ADAM19: variants seen among roughly 807,000 people sequenced by gnomAD.
The protein encoded by ADAM19 is disintegrin and metalloproteinase domain-containing protein 19.
In ADAM19, 65 loss-of-function variants were observed where a neutral mutation model predicts 114.7. The ratio of observed to expected loss-of-function variants is 0.57; its 90% CI spans 0.46 to 0.70. The LOEUF is 0.70. ADAM19 is among the 30% of genes least tolerant of loss of function. The pLI, the probability that ADAM19 is intolerant of heterozygous loss-of-function variation, is 0.00. For missense variants in ADAM19, 1,063 were observed against 1,204.7 expected (o/e 0.88, Z 1.74); for synonymous variants, 466 against 460.5 (o/e 1.01, Z -0.15).
chr5:157,564,471 T>C, intron 2 of ADAM19, 28 bp from the exon 3 acceptor site: 1 of 1,611,446 alleles, frequency 6.2e-7, no homozygotes. Context: ...ACAATGTCAG[T>C]TCCTAAAAGC....
chr5:157,505,964 G>A (rs780504170), intron 10 of ADAM19, among the ~76,000 whole-genome samples, 156 bp from the exon 11 acceptor site: 6 of 152,220 alleles, frequency 3.9e-5, no homozygotes, highest in Non-Finnish European at 8.8e-5. Context: ...CAGCAAGGCT[G>A]AATCTGCTGT....
At chr5:157,508,821 C>T (rs116576592) in intron 9 of ADAM19, among the ~76,000 whole-genome samples, 221 of 152,272 alleles carry the variant, frequency 1.5e-3, no homozygotes, top group African/African-American at 5.1e-3. Flanking sequence ...TCAGTTCCTG[C>T]ACTGTCTAAC....
intron 12 of ADAM19, among the ~76,000 whole-genome samples, chr5:157,501,582 A>T (rs900567768): frequency 6.6e-6 from 1 of 151,722 alleles, no homozygotes; most frequent in African/African-American, 2.4e-5. Context: ...GGCCATGCCC[A>T]CTCTCAGGCC....
intron 5 of ADAM19, among the ~76,000 whole-genome samples, chr5:157,525,978 T>A (rs933177330): frequency 2.6e-5 from 4 of 152,146 alleles, no homozygotes; most frequent in Non-Finnish European, 4.4e-5. Flanking sequence ...ATTTATTGCA[T>A]ACCTCTGAAA....
At chr5:157,514,210 C>T (rs921950191) in intron 7 of ADAM19, among the ~76,000 whole-genome samples, 2 of 152,102 alleles carry the variant, frequency 1.3e-5, no homozygotes, top group African/African-American at 4.8e-5. Context: ...ACGAGGAGGA[C>T]CATAAGACAC....
chr5:157,568,256 G>T (rs1312316851), intron 2 of ADAM19: 2 of 152,240 alleles, frequency 1.3e-5, no homozygotes, highest in Non-Finnish European at 1.5e-5. Context: ...TACAGGGCGT[G>T]AGCCACCATG....
In ADAM19 at chr5:157,477,464, A is replaced by C; in HGVS notation, c.*3485T>G. ...TCTGTTTTCCGTGAACAATCTCCCA[A>C]ATAAAAAGAAAATTCACATTGCCCT... is the stretch of plus-strand genomic sequence containing the variant. On this transcript the variant is annotated 3_prime_UTR_variant, in exon 23 of 23. Transcript: ENST00000257527. The C allele has an allele frequency of 5.8e-6, 6 of 1,037,826 alleles. No individual in the cohort carries two copies. Among genetic ancestry groups the C allele is most frequent in the Non-Finnish European group, 7.0e-6 (6 of 857,944 alleles). 64.3% of individuals were successfully genotyped at this position (1,037,826 alleles called of 1,614,324 possible).
rs961234514 is a variant in ADAM19, at chr5:157,479,833, C to T, written c.*1116G>A. ...GCCCGAAGTCAATGACCAGCCTGCT[C>T]CCTCGTGTGTACTTTGTAAATAGCT... On this transcript the variant is annotated 3_prime_UTR_variant, in exon 23 of 23. Coordinates refer to ENST00000257527, the MANE Select transcript of ADAM19 (RefSeq NM_033274.5). The T allele has an allele frequency of 4.1e-6, 4 of 985,444 alleles. No homozygotes were observed. The African/African-American group carries it at 7.0e-5, about 17-fold the overall frequency. The allele number at this position is 985,444 out of a possible 1,614,324, so 61.0% of individuals were successfully genotyped here.
chr5:157,516,227 ATCAT>A (rs1289928841), intron 7 of ADAM19, among the ~76,000 whole-genome samples: 1 of 152,186 alleles, frequency 6.6e-6, no homozygotes, highest in African/African-American at 2.4e-5. Context: ...CCTCAAATGA[ATCAT>A]TCAAAGCCTT....
Position 157,479,683 on chromosome 5 carries a change from G to A in ADAM19, c.*1266C>T, listed in dbSNP as rs924126444. On this transcript the variant is annotated 3_prime_UTR_variant, in exon 23 of 23. Coordinates refer to ENST00000257527, the MANE Select transcript of ADAM19 (RefSeq NM_033274.5). ...AACAAAAGGAAGTGAATGACAAAAA[G>A]CTGGGTTGAGGAAGAGGCTCCCTGC... The A allele has an allele frequency of 1.9e-5, 19 of 986,028 alleles. 1 individual carries two copies. The highest frequency in any genetic ancestry group is 5.2e-4 in the Middle Eastern group (1 of 1,916). 61.1% of individuals were successfully genotyped at this position (986,028 alleles called of 1,614,324 possible).
At chr5:157,487,909 C>G (rs1754998966) in intron 21 of ADAM19, among the ~76,000 whole-genome samples, 1 of 152,038 alleles carries the variant, frequency 6.6e-6, no homozygotes, top group South Asian at 2.1e-4. Context: ...GGAGGTGGCC[C>G]CACCAAGGAG....
Position 157,530,688 on chromosome 5 carries a change from G to A in ADAM19, c.407+119C>T, listed in dbSNP as rs1561545398. 1.0e-5 allele frequency: 8 copies of A among 801,538 alleles called. No individual in the cohort carries two copies. The East Asian group carries it at 2.1e-4, about 21-fold the overall frequency. 49.7% of individuals were successfully genotyped at this position (801,538 alleles called of 1,614,324 possible). A position where few individuals can be genotyped will look rare whatever the true frequency, so the allele number is the denominator to read the frequency against. On this transcript the variant is annotated intron_variant, in intron 5 of 22. Coordinates refer to ENST00000257527, the MANE Select transcript of ADAM19 (RefSeq NM_033274.5). ...CCCAGGCTCAGCCCCTCTCTGGGCT[G>A]GCTTGCACACATTCTCAATGGACTC... is the stretch of plus-strand genomic sequence containing the variant.
intron 4 of ADAM19, among the ~76,000 whole-genome samples, chr5:157,533,906 T>G (rs1293592181): frequency 6.6e-6 from 1 of 152,084 alleles, no homozygotes; most frequent in African/African-American, 2.4e-5. Context: ...AGGCGGAGGT[T>G]GCAGTGAGCC....
intron 22 of ADAM19, chr5:157,481,243 G>A (rs1754736542): frequency 4.9e-6 from 3 of 606,616 alleles, no homozygotes; most frequent in South Asian, 4.0e-5. Context: ...TCCCTGCTAA[G>A]GCAGCAGCAC....
Position 157,480,929 on chromosome 5 carries a change from G to C in ADAM19, c.*20C>G, listed in dbSNP as rs1754725684. The stretch of plus-strand genomic sequence containing the variant: ...AGTGTCCAGAGAGCTCAAGGAAAGG[G>C]AGAAGCCCCTTGGACAGGTCTAGAT... On this transcript the variant is annotated 3_prime_UTR_variant, in exon 23 of 23. Coordinates refer to ENST00000257527, the MANE Select transcript of ADAM19 (RefSeq NM_033274.5). The C allele has an allele frequency of 6.2e-7, 1 of 1,614,124 alleles. No homozygotes were observed. The highest frequency in any genetic ancestry group is 8.5e-7 in the Non-Finnish European group (1 of 1,180,018).
In ADAM19 at chr5:157,477,903, C is replaced by A; in HGVS notation, c.*3046G>T. 2.8e-6 allele frequency: 1 copy of A among 353,882 alleles called. No individual in the cohort carries two copies. Among genetic ancestry groups the A allele is most frequent in the Non-Finnish European group, 5.5e-6 (1 of 183,386 alleles). 21.9% of individuals were successfully genotyped at this position (353,882 alleles called of 1,614,324 possible). On this transcript the variant is annotated 3_prime_UTR_variant, in exon 23 of 23. Transcript: ENST00000257527. The stretch of plus-strand genomic sequence containing the variant: ...ATCAGCAAGTCTCAGACCTTAAGAT[C>A]TGCAAGTGTCTCAGAGCTGGGGCAG...
In ADAM19 at chr5:157,570,927, A is replaced by G; in HGVS notation, c.148T>C (p.Trp50Arg). The change falls in exon 2 of 23, where the codon TGG becomes CGG. Residue 50 changes from tryptophan (W) to arginine (R), a missense_variant. Physicochemically the swap from Trp to Arg is moderately radical, Grantham distance 101 (BLOSUM62 -3). Coordinates refer to ENST00000257527, the MANE Select transcript of ADAM19 (RefSeq NM_033274.5). ...CTCACGGGGCTTTCTGAAGTCTTCCACTGAGGTATGATAAGTTCATGCTGC... is the reference window on the plus strand; with the variant it reads ...CTCACGGGGCTTTCTGAAGTCTTCCGCTGAGGTATGATAAGTTCATGCTGC... ...KLQHELIIPQ[W>R]KTSESPVREK... 6.2e-7 allele frequency: 1 copy of G among 1,614,156 alleles called. No individual in the cohort carries two copies. The highest frequency in any genetic ancestry group is 8.5e-7 in the Non-Finnish European group (1 of 1,180,014).
chr5:157,538,952 G>A (rs548668461), intron 3 of ADAM19, among the ~76,000 whole-genome samples: 22 of 152,218 alleles, frequency 1.4e-4, no homozygotes, highest in Non-Finnish European at 5.9e-5. Flanking sequence ...ATCACCTGAG[G>A]TCAGGAGTTC....
chr5:157,555,332 A>G (rs1757336986), intron 3 of ADAM19, among the ~76,000 whole-genome samples: 1 of 152,182 alleles, frequency 6.6e-6, no homozygotes, highest in South Asian at 2.1e-4. Flanking sequence ...TTTAGCTATC[A>G]CCATTTGTTA....
Sources: gnomAD v4.1 joint callset for allele counts (sites outside exome capture counted in the v4.1 genomes callset) on GRCh38, gnomAD v4.1.1 for gene constraint, MANE v1.5 for transcripts, NCBI Gene and HGNC (gene_info 2026-07-23, HGNC 2026-07-21) for gene names.